Variants in TMTC2 observed in about 807,000 individuals in gnomAD.
TMTC2 encodes the protein transmembrane O-mannosyltransferase targeting cadherins 2, also known as protein O-mannosyl-transferase TMTC2.
In TMTC2, 43 loss-of-function variants were observed where a neutral mutation model predicts 82.4. That is an observed-to-expected ratio of 0.52 (90% CI 0.41 to 0.67). The LOEUF (loss-of-function observed/expected upper bound fraction) is 0.67. Ranked by LOEUF, TMTC2 falls within the 30% of genes least tolerant of loss-of-function variation. TMTC2 has a pLI of 0.00. For synonymous variants in TMTC2, 408 were observed against 381.9 expected, an observed-to-expected ratio of 1.07 and a Z score of -0.80; for missense variants, 919 against 1,012.4, an observed-to-expected ratio of 0.91 and a Z score of 1.25.
chr12:83,015,718 CAGAA>C (rs1209526533), intron 8 of TMTC2, among the ~76,000 whole-genome samples: 2 of 152,166 alleles, frequency 1.3e-5, no homozygotes, highest in Non-Finnish European at 2.9e-5. Flanking sequence ...CTCTCACTGT[CAGAA>C]AGAAAGAAAG....
chr12:82,887,423 C>T (rs1324570893), intron 2 of TMTC2, among the ~76,000 whole-genome samples: 2 of 152,196 alleles, frequency 1.3e-5, no homozygotes, highest in African/African-American at 4.8e-5. Flanking sequence ...CACAGGGCTT[C>T]TGTAGAGGTA....
intron 4 of TMTC2, among the ~76,000 whole-genome samples, chr12:82,935,246 T>A (rs1312166880): frequency 6.6e-6 from 1 of 152,154 alleles, no homozygotes; most frequent in East Asian, 1.9e-4. Flanking sequence ...ATCATTTGAA[T>A]CCGTGCTTAC....
At chr12:82,690,527 A>G (rs1417293595) in intron 1 of TMTC2, 1 of 493,974 alleles carries the variant, frequency 2.0e-6, no homozygotes, top group Non-Finnish European at 2.6e-6. Flanking sequence ...TTGAAATTAA[A>G]TGGTAACATG....
At chr12:83,009,618 T>C (rs926450494) in intron 8 of TMTC2, among the ~76,000 whole-genome samples, 3 of 152,092 alleles carry the variant, frequency 2.0e-5, no homozygotes, top group African/African-American at 7.3e-5. Context: ...GCAATTTTTA[T>C]GACAATTTAG....
intron 2 of TMTC2, among the ~76,000 whole-genome samples, chr12:82,880,659 C>A (rs534136736): frequency 6.6e-6 from 1 of 152,274 alleles, no homozygotes; most frequent in African/African-American, 2.4e-5. Context: ...GTTCCAAGGG[C>A]CCTGAGCCAG....
intron 11 of TMTC2, among the ~76,000 whole-genome samples, chr12:83,101,566 G>C (rs1884215294): frequency 6.6e-6 from 1 of 152,118 alleles, no homozygotes. Context: ...CACCACCAAT[G>C]TTTATCAAAA....
intron 1 of TMTC2, among the ~76,000 whole-genome samples, chr12:82,831,111 C>A (rs1341134344): frequency 6.6e-6 from 1 of 152,140 alleles, no homozygotes; most frequent in African/African-American, 2.4e-5. Flanking sequence ...TGAGAAATAT[C>A]AAATAAGTTT....
intron 11 of TMTC2, 36 bp downstream of exon 11, chr12:83,061,867 G>T: frequency 1.3e-6 from 2 of 1,498,922 alleles, no homozygotes; most frequent in Non-Finnish European, 1.8e-6. Context: ...TTTTCAGAGG[G>T]ATAGACTCCA....
At chr12:83,089,847 C>CAAAAA (rs200273951) in intron 11 of TMTC2, among the ~76,000 whole-genome samples, 1 of 135,736 alleles carries the variant, frequency 7.4e-6, no homozygotes, top group African/African-American at 2.9e-5. Flanking sequence ...AAACAAAAAA[C>CAAAAA]AAAAAAAAAA....
intron 8 of TMTC2, among the ~76,000 whole-genome samples, chr12:83,022,363 T>TC (rs397739098): frequency 7.7e-4 from 12 of 15,596 alleles, no homozygotes; most frequent in Non-Finnish European, 1.6e-3. Flanking sequence ...CACATAACCC[T>TC]CCCCCCTCCC....
intron 4 of TMTC2, among the ~76,000 whole-genome samples, chr12:82,953,219 C>T (rs907207487): frequency 3.3e-5 from 5 of 152,120 alleles, no homozygotes; most frequent in African/African-American, 1.2e-4. Context: ...TTGTGCTGCT[C>T]GTGACATGAC....
intron 5 of TMTC2, 112 bp downstream of exon 5, chr12:82,965,221 G>A (rs1166740524): frequency 5.2e-6 from 4 of 766,712 alleles, no homozygotes; most frequent in Non-Finnish European, 8.7e-6. Flanking sequence ...CTGAATACTC[G>A]CTAATCAGAT....
intron 7 of TMTC2, among the ~76,000 whole-genome samples, chr12:82,974,324 CAGT>C (rs1878575328): frequency 6.6e-6 from 1 of 152,108 alleles, no homozygotes; most frequent in African/African-American, 2.4e-5. Context: ...AACTTTTACT[CAGT>C]AGCAAATACA....
At chr12:82,955,105 T>C (rs1458449732) in intron 4 of TMTC2, among the ~76,000 whole-genome samples, 2 of 152,230 alleles carry the variant, frequency 1.3e-5, no homozygotes, top group African/African-American at 4.8e-5. Context: ...TTTAGTGCTG[T>C]TGACATTTTG....
In TMTC2 at chr12:82,729,153, G is replaced by C. The variant is rs544131977; in HGVS notation, c.83+41484G>C. Reference sequence around the variant, plus strand: ...AGGCAGCTCCACCTGTGGCCCCAGTGCGGGATCCACTGGGTGAAGCCAGTT... The same window carrying C: ...AGGCAGCTCCACCTGTGGCCCCAGTCCGGGATCCACTGGGTGAAGCCAGTT... On this transcript the variant is annotated intron_variant, in intron 1 of 11. Coordinates refer to ENST00000321196, the MANE Select transcript of TMTC2 (RefSeq NM_152588.3). Among the ~76,000 whole-genome samples the C allele has an allele frequency of 5.3e-5, 8 of 152,368 alleles. No individual in the cohort carries two copies. In the East Asian group the frequency reaches 1.5e-3, roughly 29 times the overall value.
intron 1 of TMTC2, among the ~76,000 whole-genome samples, chr12:82,821,045 G>A (rs1180096640): frequency 6.6e-6 from 1 of 151,756 alleles, no homozygotes; most frequent in Non-Finnish European, 1.5e-5. Flanking sequence ...TTTTCGTAGA[G>A]GAAGAGTCTT....
intron 8 of TMTC2, among the ~76,000 whole-genome samples, chr12:83,005,699 AG>A (rs1880169388): frequency 6.6e-6 from 1 of 152,160 alleles, no homozygotes; most frequent in Non-Finnish European, 1.5e-5. Context: ...TGGTGGAGGC[AG>A]GGGGTTTTGG....
At chr12:82,728,333 GT>G (rs1286092169) in intron 1 of TMTC2, among the ~76,000 whole-genome samples, 3 of 151,952 alleles carry the variant, frequency 2.0e-5, no homozygotes, top group Non-Finnish European at 4.4e-5. Context: ...AAGTTTCTTA[GT>G]TTTTATAAAA....
intron 4 of TMTC2, among the ~76,000 whole-genome samples, chr12:82,943,789 T>C (rs2137266446): frequency 1.3e-5 from 2 of 152,330 alleles, no homozygotes; most frequent in African/African-American, 2.4e-5. Flanking sequence ...CAACAAATAC[T>C]GAGTACCTTC....
Sources: gnomAD v4.1 joint callset for allele counts (sites outside exome capture counted in the v4.1 genomes callset) on GRCh38, gnomAD v4.1.1 for gene constraint, MANE v1.5 for transcripts, NCBI Gene and HGNC (gene_info 2026-07-23, HGNC 2026-07-21) for gene names.